Variants in CFHR2 observed in about 807,000 individuals in gnomAD.
CFHR2 encodes complement factor H-related protein 2.
Under a neutral mutation model 21.7 loss-of-function variants are expected in CFHR2, and 22 were observed. That is an observed-to-expected ratio of 1.01 (90% CI 0.72 to 1.45). The LOEUF (loss-of-function observed/expected upper bound fraction) is 1.45, where lower values mean the gene tolerates loss of function less well. Among genes scored for constraint, CFHR2 ranks in the 40% most tolerant of loss-of-function variants. The pLI is 0.00. For synonymous variants in CFHR2, 98 were observed against 97.4 expected, an observed-to-expected ratio of 1.01 and a Z score of -0.04; for missense variants, 294 against 293.3, an observed-to-expected ratio of 1.00 and a Z score of -0.02.
chr1:196,957,563 A>G (rs1412155541), intron 3 of CFHR2, among the ~76,000 whole-genome samples: 1 of 152,166 alleles, frequency 6.6e-6, no homozygotes, highest in Non-Finnish European at 1.5e-5. Flanking sequence ...AATAAACTCC[A>G]AAGAATGTTG....
At chr1:196,952,546 T>C (rs1315794452) in intron 3 of CFHR2, among the ~76,000 whole-genome samples, 3 of 152,218 alleles carry the variant, frequency 2.0e-5, no homozygotes, top group African/African-American at 7.2e-5. Context: ...CGTGGGATGA[T>C]GGCTATTGTC....
intron 3 of CFHR2, among the ~76,000 whole-genome samples, chr1:196,953,243 ATTATTTATTTAT>A (rs138646935): frequency 2.7e-5 from 4 of 150,128 alleles, no homozygotes; most frequent in East Asian, 2.0e-4. Context: ...ATCAGCCAAG[ATTATTTATTTAT>A]TTATTTATTT....
Position 196,957,944 on chromosome 1 carries a change from T to C in CFHR2, c.484T>C (p.Ser162Pro). The part of the protein sequence containing the change: ...PPPIDNGDIT[S>P]FLLSVYAPGS... Reference sequence around the variant, plus strand: ...ACCTATTGACAATGGAGACATTACTTCATTCCTGTTGTCAGTATATGCTCC... The same window carrying C: ...ACCTATTGACAATGGAGACATTACTCCATTCCTGTTGTCAGTATATGCTCC... The change falls in exon 4 of 5, where the codon TCA becomes CCA. Residue 162 changes from serine (S) to proline (P), a missense_variant. Coordinates refer to ENST00000367415, the MANE Select transcript of CFHR2 (RefSeq NM_005666.4). The C allele has an allele frequency of 6.2e-7, 1 of 1,613,678 alleles. No homozygotes were observed. Among genetic ancestry groups the C allele is most frequent in the Admixed American group, 1.7e-5 (1 of 60,006 alleles).
intron 4 of CFHR2, among the ~76,000 whole-genome samples, 189 bp downstream of exon 4, chr1:196,958,262 A>G (rs1652974535): frequency 6.6e-6 from 1 of 152,068 alleles, no homozygotes; most frequent in African/African-American, 2.4e-5. Context: ...TTATTTAAAA[A>G]CATTTAGTTG....
chr1:196,945,224 C>A lies in CFHR2; in HGVS notation c.58+1286C>A, dbSNP rs550706762. On this transcript the variant is annotated intron_variant, in intron 1 of 4. Coordinates refer to ENST00000367415, the MANE Select transcript of CFHR2 (RefSeq NM_005666.4). The stretch of plus-strand genomic sequence containing the variant: ...TTCACTTTTAGTGCTGAGTTGTAAT[C>A]ACAGGAGTGCGATTGTATGAGTGTA... Among the ~76,000 whole-genome samples, 62 of 149,620 alleles carry A rather than the reference C, an allele frequency of 4.1e-4. 2 individuals are homozygous for A. Among genetic ancestry groups the A allele is most frequent in the African/African-American group, 1.4e-3 (57 of 40,444 alleles).
intron 3 of CFHR2, among the ~76,000 whole-genome samples, chr1:196,954,319 G>A (rs1240959272): frequency 6.6e-6 from 1 of 152,198 alleles, no homozygotes; most frequent in Admixed American, 6.5e-5. Flanking sequence ...CTGATGCAAG[G>A]GGTAGGCTTC....
intron 2 of CFHR2, 96 bp from the exon 3 acceptor site, chr1:196,950,756 A>G (rs1659694420): frequency 7.2e-7 from 1 of 1,392,602 alleles, no homozygotes. Context: ...TACCAGCTTG[A>G]GCCACTTCAC....
chr1:196,956,953 A>G (rs530068271), intron 3 of CFHR2, among the ~76,000 whole-genome samples: 6 of 152,250 alleles, frequency 3.9e-5, no homozygotes, highest in Non-Finnish European at 7.4e-5. Flanking sequence ...CAATCATGGG[A>G]AAAGGGAGCG....
chr1:196,954,407 T>A (rs1176826075), intron 3 of CFHR2, among the ~76,000 whole-genome samples: 1 of 152,332 alleles, frequency 6.6e-6, no homozygotes, highest in African/African-American at 2.4e-5. Flanking sequence ...TAGCATTGAG[T>A]GCCTGCAGCC....
chr1:196,948,582 T>C (rs1383716483), intron 1 of CFHR2, among the ~76,000 whole-genome samples: 1 of 152,214 alleles, frequency 6.6e-6, no homozygotes, highest in Non-Finnish European at 1.5e-5. Flanking sequence ...AACCCTCTCA[T>C]ACAATTTAAA....
Position 196,950,955 on chromosome 1 carries a change from A to C in CFHR2, c.357A>C (p.Arg119Ser), listed in dbSNP as rs750693139. 1.2e-6 allele frequency: 2 copies of C among 1,614,128 alleles called. No individual in the cohort carries two copies. The highest frequency in any genetic ancestry group is 1.1e-5 in the South Asian group (1 of 91,086). Residue 119 changes from arginine to serine, a missense_variant, in exon 3 of 5, where the codon AGA becomes AGC. Arg to Ser is a moderately radical substitution (Grantham distance 110, BLOSUM62 -1). Transcript: ENST00000367415. ...AAATTATTTGCAACACAGGATACAG[A>C]CTTCAAAACAATGAGAACAACATTT... ...TVQIICNTGYRLQNNENNISC... is the reference protein window; with the variant it reads ...TVQIICNTGYSLQNNENNISC...
Position 196,959,316 on chromosome 1 carries a change from G to T in CFHR2, c.*236G>T. On this transcript the variant is annotated 3_prime_UTR_variant, in exon 5 of 5. Coordinates refer to ENST00000367415, the MANE Select transcript of CFHR2 (RefSeq NM_005666.4). The stretch of plus-strand genomic sequence containing the variant: ...CTTTTTTTTTCTTTTTAAAAAAATT[G>T]ACAATAACTGTATATATTCATGGAG... The T allele has an allele frequency of 2.4e-6, 1 of 412,030 alleles. No individual in the cohort carries two copies. The highest frequency in any genetic ancestry group is 4.3e-6 in the Non-Finnish European group (1 of 230,854). The allele number at this position is 412,030 out of a possible 1,614,324, so 25.5% of individuals were successfully genotyped here.
At chr1:196,949,718 C>A in intron 2 of CFHR2, 69 bp downstream of exon 2, 2 of 1,580,074 alleles carry the variant, frequency 1.3e-6, no homozygotes, top group South Asian at 1.1e-5. Context: ...CAGACAAGAT[C>A]ATAAACACTT....
intron 1 of CFHR2, among the ~76,000 whole-genome samples, chr1:196,945,789 T>C (rs2125001733): frequency 1.3e-5 from 2 of 150,648 alleles, no homozygotes; most frequent in South Asian, 4.2e-4. Context: ...TGTGTGTGTG[T>C]GTGTGTGTGT....
chr1:196,948,574 C>T (rs563193105), intron 1 of CFHR2, among the ~76,000 whole-genome samples: 1 of 152,150 alleles, frequency 6.6e-6, no homozygotes, highest in African/African-American at 2.4e-5. Flanking sequence ...CCACACCCAA[C>T]CCTCTCATAC....
At chr1:196,951,176 T>A in intron 3 of CFHR2, 148 bp downstream of exon 3, 1 of 979,938 alleles carries the variant, frequency 1.0e-6, no homozygotes, top group Non-Finnish European at 1.5e-6. Context: ...CAATTGTGTC[T>A]AAGTGGATGT....
At chr1:196,956,881 C>A (rs1652904153) in intron 3 of CFHR2, among the ~76,000 whole-genome samples, 1 of 151,684 alleles carries the variant, frequency 6.6e-6, no homozygotes, top group Admixed American at 6.6e-5. Context: ...TCTTATTTGG[C>A]AGGTTCCATT....
rs1218380363 is a variant in CFHR2, at chr1:196,945,506, G to A, written c.58+1568G>A. 1.6e-3 allele frequency among the ~76,000 whole-genome samples: 162 copies of A among 98,666 alleles called. 1 individual carries two copies. The highest frequency in any genetic ancestry group is 5.0e-3 in the African/African-American group (119 of 23,596). 64.7% of individuals were successfully genotyped at this position (98,666 alleles called of 152,430 possible). A position where few individuals can be genotyped will look rare whatever the true frequency, so the allele number is the denominator to read the frequency against. On this transcript the variant is annotated intron_variant, in intron 1 of 4. Coordinates refer to ENST00000367415, the MANE Select transcript of CFHR2 (RefSeq NM_005666.4). ...TGCCTAGATGTTAAATGATCTGTAA[G>A]TGTGTGTTACACTGTCATTTAGGTG...
chr1:196,956,438 A>AT (rs1329855930), intron 3 of CFHR2, among the ~76,000 whole-genome samples: 1 of 152,032 alleles, frequency 6.6e-6, no homozygotes, highest in Non-Finnish European at 1.5e-5. Context: ...GTGTTCAGTC[A>AT]TTTTTTTGTT....
Sources: allele counts gnomAD v4.1 joint callset (sites outside exome capture counted in the v4.1 genomes callset), GRCh38; gene constraint gnomAD v4.1.1; transcripts MANE v1.5; gene names NCBI Gene and HGNC (gene_info 2026-07-23, HGNC 2026-07-21).